The following SLC1A2 variants were observed in gnomAD, a reference collection of about 807,000 sequenced individuals.
The protein encoded by SLC1A2 is solute carrier family 1 member 2, also known as excitatory amino acid transporter 2.
Under a neutral mutation model 48.8 loss-of-function variants are expected in SLC1A2, and 15 were observed. The observed-to-expected ratio is 0.31, with a 90% CI of 0.21 to 0.47. SLC1A2 has a LOEUF of 0.47. SLC1A2 is among the 20% of genes least tolerant of loss of function. The pLI, the probability that SLC1A2 is intolerant of heterozygous loss-of-function variation, is 0.99. For synonymous variants in SLC1A2, 279 were observed against 272.6 expected (o/e 1.02, Z -0.23); for missense variants, 502 against 730.5 (o/e 0.69, Z 3.61).
At chr11:35,302,205 GA>G (rs1272776854) in intron 5 of SLC1A2, among the ~76,000 whole-genome samples, 9 of 152,010 alleles carry the variant, frequency 5.9e-5, no homozygotes, top group Admixed American at 1.3e-4. Context: ...ATGACAGGGA[GA>G]AAAAAATACT....
In SLC1A2 at chr11:35,317,455, C is replaced by T; in HGVS notation, c.79G>A (p.Glu27Lys). 1 of 1,614,170 alleles carries T rather than the reference C, an allele frequency of 6.2e-7. No homozygotes were observed. The highest frequency in any genetic ancestry group is 1.1e-5 in the South Asian group (1 of 91,088). Residue 27 changes from glutamate (E) to lysine (K), a missense_variant, in exon 2 of 11, where the codon GAA becomes AAA. Physicochemically the swap from Glu to Lys is moderately conservative, Grantham distance 56. This residue lies in a region of SLC1A2 where 89 missense variants were observed against 119.7 expected (regional missense o/e 0.74). Coordinates refer to ENST00000278379, the MANE Select transcript of SLC1A2 (RefSeq NM_004171.4). ...RMHDSHLGSE[E>K]PKHRHLGLRL... Reference sequence around the variant, plus strand: ...AGGCCCAGGTGCCGGTGCTTGGGTTCCTCTGAGCCAAGATGACTGTCGTGC... The same window carrying T: ...AGGCCCAGGTGCCGGTGCTTGGGTTTCTCTGAGCCAAGATGACTGTCGTGC...
chr11:35,363,790 T>G (rs1329197308), intron 1 of SLC1A2, among the ~76,000 whole-genome samples: 1 of 152,216 alleles, frequency 6.6e-6, no homozygotes, highest in Non-Finnish European at 1.5e-5. Flanking sequence ...TATCTGGGTG[T>G]AGTACTTGGT....
chr11:35,330,449 T>TA (rs1215157105), intron 1 of SLC1A2, among the ~76,000 whole-genome samples: 1 of 152,218 alleles, frequency 6.6e-6, no homozygotes, highest in Non-Finnish European at 1.5e-5. Flanking sequence ...TAGAACCATT[T>TA]ATTGACTTTT....
chr11:35,265,708 C>T lies in SLC1A2; in HGVS notation c.1472G>A (p.Gly491Glu). The T allele has an allele frequency of 6.2e-7, 1 of 1,614,028 alleles. No homozygotes were observed. The highest frequency in any genetic ancestry group is 8.5e-7 in the Non-Finnish European group (1 of 1,179,930). Reference sequence around the variant, plus strand: ...AGACTTGGAGAGGTGATAGACTATCCCAGCCCCAAAAGAGTCACCCACAAC... The same window carrying T: ...AGACTTGGAGAGGTGATAGACTATCTCAGCCCCAAAAGAGTCACCCACAAC... Reference protein sequence around the residue: ...VNVVGDSFGAGIVYHLSKSEL... With the variant: ...VNVVGDSFGAEIVYHLSKSEL... Residue 491 changes from glycine to glutamate, a missense_variant, in exon 10 of 11, where the codon GGG becomes GAG. By Grantham distance (98) the Gly-to-Glu change is moderately conservative. Coordinates refer to ENST00000278379, the MANE Select transcript of SLC1A2 (RefSeq NM_004171.4).
At chr11:35,401,683 C>G (rs564288380) in intron 1 of SLC1A2, among the ~76,000 whole-genome samples, 1 of 152,168 alleles carries the variant, frequency 6.6e-6, no homozygotes, top group South Asian at 2.1e-4. Flanking sequence ...CAGAGATGAG[C>G]ATTTTTTTTC....
chr11:35,318,536 G>A (rs1359939358), intron 1 of SLC1A2, among the ~76,000 whole-genome samples: 1 of 152,192 alleles, frequency 6.6e-6, no homozygotes, highest in African/African-American at 2.4e-5. Flanking sequence ...TATCCAGATA[G>A]TCTTGTCATA....
chr11:35,294,300 T>G (rs1250053709), intron 6 of SLC1A2, among the ~76,000 whole-genome samples: 1 of 152,208 alleles, frequency 6.6e-6, no homozygotes, highest in African/African-American at 2.4e-5. Flanking sequence ...TATGAGAATC[T>G]AGCCTGAAGG....
intron 4 of SLC1A2, among the ~76,000 whole-genome samples, chr11:35,311,877 AGAGAGAGAGAGAGAGG>A (rs1851700062): frequency 1.7e-5 from 1 of 60,400 alleles, no homozygotes. Flanking sequence ...ATAAGGAGAG[AGAGAGAGAGAGAGAGG>A]GAGGGAGAGA....
intron 1 of SLC1A2, among the ~76,000 whole-genome samples, chr11:35,346,326 C>A (rs1344186540): frequency 6.6e-6 from 1 of 152,222 alleles, no homozygotes; most frequent in Admixed American, 6.5e-5. Flanking sequence ...CTCCCTTAGT[C>A]TCCATGGGCT....
At chr11:35,300,978 T>C (rs561295580) in intron 6 of SLC1A2, among the ~76,000 whole-genome samples, 1 of 152,278 alleles carries the variant, frequency 6.6e-6, no homozygotes, top group South Asian at 2.1e-4. Context: ...TGAGCCATGA[T>C]CACACCACTG....
At chr11:35,292,644 G>A in intron 6 of SLC1A2, 124 bp from the exon 7 acceptor site, 1 of 602,184 alleles carries the variant, frequency 1.7e-6, no homozygotes, top group Non-Finnish European at 2.9e-6. Context: ...GACTTTTGCT[G>A]AGAAAAGTTC....
chr11:35,385,600 A>C (rs1281745401), intron 1 of SLC1A2, among the ~76,000 whole-genome samples: 1 of 152,158 alleles, frequency 6.6e-6, no homozygotes, highest in African/African-American at 2.4e-5. Flanking sequence ...CCAATTCCAC[A>C]ATGAGCCAGG....
At chr11:35,294,957 G>T (rs768948638) in intron 6 of SLC1A2, among the ~76,000 whole-genome samples, 2 of 152,238 alleles carry the variant, frequency 1.3e-5, no homozygotes, top group Non-Finnish European at 2.9e-5. Flanking sequence ...AATAGGATGA[G>T]CATTAAGTAG....
intron 1 of SLC1A2, among the ~76,000 whole-genome samples, chr11:35,405,371 C>T (rs909345797): frequency 1.3e-5 from 2 of 151,222 alleles, no homozygotes; most frequent in Non-Finnish European, 2.9e-5. Context: ...ACAACGTTGT[C>T]TGCTTCTGGT....
intron 1 of SLC1A2, among the ~76,000 whole-genome samples, chr11:35,377,665 G>GCT: frequency 6.6e-6 from 1 of 152,236 alleles, no homozygotes; most frequent in Non-Finnish European, 1.5e-5. Flanking sequence ...AAATCATCAA[G>GCT]TAGATACCAA....
At position 35,374,446 on chromosome 11, in the gene SLC1A2, A is replaced by G. The variant is rs184467176; in HGVS notation, c.17+44504T>C. 4.5e-4 allele frequency: 171 copies of G among 381,084 alleles called. 1 individual carries two copies. The Admixed American group carries it at 5.6e-3, about 12-fold the overall frequency. The allele number at this position is 381,084 out of a possible 1,614,324, so 23.6% of individuals were successfully genotyped here. On this transcript the variant is annotated intron_variant, in intron 1 of 10. Transcript: ENST00000278379. ...AAAGAGACCTACAATTTGAAGATAG[A>G]TGAGACAGTAGCCAAACCCCAAATT...
upstream of SLC1A2, among the ~76,000 whole-genome samples, chr11:35,420,230 C>A (rs1219836006): frequency 6.7e-6 from 1 of 148,372 alleles, no homozygotes. Flanking sequence ...TGGCGGGGGA[C>A]GGTTCTCCAC....
chr11:35,371,502 C>A (rs1854062864), intron 1 of SLC1A2, among the ~76,000 whole-genome samples: 1 of 152,198 alleles, frequency 6.6e-6, no homozygotes, highest in Admixed American at 6.5e-5. Context: ...AAACCTGAAC[C>A]TGTGACTTCG....
intron 7 of SLC1A2, among the ~76,000 whole-genome samples, chr11:35,290,737 C>G (rs1440884382): frequency 7.2e-6 from 1 of 138,442 alleles, no homozygotes; most frequent in African/African-American, 2.7e-5. Flanking sequence ...TTCTCTTTTT[C>G]TTCAAGTGAA....
Sources: allele counts gnomAD v4.1 joint callset (sites outside exome capture counted in the v4.1 genomes callset), GRCh38; gene constraint gnomAD v4.1.1; regional missense constraint gnomAD v4.1.1; transcripts MANE v1.5; gene names NCBI Gene and HGNC (gene_info 2026-07-23, HGNC 2026-07-21).